PTPDC1: variants seen among roughly 807,000 people sequenced by gnomAD.
PTPDC1 encodes the protein protein tyrosine phosphatase domain-containing protein 1.
PTPDC1 carries 53 observed loss-of-function variants against 75.3 expected under a neutral mutation model. The observed-to-expected ratio is 0.70, with a 90% CI of 0.56 to 0.88. PTPDC1 has a LOEUF of 0.88. Ranked by LOEUF, PTPDC1 falls within the 40% of genes least tolerant of loss-of-function variation. PTPDC1 has a pLI of 0.00. For missense variants in PTPDC1, 925 were observed against 998.6 expected, an observed-to-expected ratio of 0.93 and a Z score of 0.99; for synonymous variants, 349 against 366.2, an observed-to-expected ratio of 0.95 and a Z score of 0.54.
At chr9:94,074,668 C>G (rs992065680) in intron 2 of PTPDC1, among the ~76,000 whole-genome samples, 3 of 152,166 alleles carry the variant, frequency 2.0e-5, no homozygotes, top group Admixed American at 6.5e-5. Flanking sequence ...GTTGACTATC[C>G]TGCTTCACAC....
intron 2 of PTPDC1, among the ~76,000 whole-genome samples, chr9:94,067,411 T>C (rs1383195356): frequency 6.6e-6 from 1 of 151,580 alleles, no homozygotes; most frequent in Non-Finnish European, 1.5e-5. Context: ...ATAATAATAA[T>C]AATAATAAAC....
At chr9:94,102,637 T>A (rs976509364) in intron 7 of PTPDC1, among the ~76,000 whole-genome samples, 19 of 152,192 alleles carry the variant, frequency 1.2e-4, no homozygotes, top group African/African-American at 4.3e-4. Flanking sequence ...TGGAGTGCAA[T>A]GGCGCGATCT....
chr9:94,081,268 G>C (rs1397203355), upstream of PTPDC1, among the ~76,000 whole-genome samples: 1 of 152,126 alleles, frequency 6.6e-6, no homozygotes, highest in Non-Finnish European at 1.5e-5. Context: ...GGGATTACAG[G>C]CATGAGCCAC....
chr9:94,052,652 T>TATG (rs1825823901), intron 1 of PTPDC1, among the ~76,000 whole-genome samples: 1 of 152,220 alleles, frequency 6.6e-6, no homozygotes, highest in African/African-American at 2.4e-5. Flanking sequence ...CAATTGGATG[T>TATG]ATGATCAATT....
rs200116153 is a variant in PTPDC1 at position 94,067,395 on chromosome 9, A to ATG, written c.82+2574_82+2575insTG. Among the ~76,000 whole-genome samples, 542 of 143,718 alleles carry ATG rather than the reference A, an allele frequency of 3.8e-3. 4 individuals carry two copies. The highest frequency in any genetic ancestry group is 0.015 in the African/African-American group (519 of 34,326). The allele number at this position is 143,718 out of a possible 152,430, so 94.3% of individuals were successfully genotyped here. ...ACAGAGTGAGACTCCATCTCAAAAA[A>ATG]AAAAAATAATAATAATAATAATAAA... On this transcript the variant is annotated intron_variant, in intron 2 of 9. Transcript: ENST00000375360.
rs569306545 is a variant in PTPDC1, at chr9:94,045,962, G to A, written c.-7+14835G>A. Reference sequence around the variant, plus strand: ...GGTATTGCCTAGGTTTTCTTCTAGAGTTTTTATGGTTTTAGGTCTAACATT... The same window carrying A: ...GGTATTGCCTAGGTTTTCTTCTAGAATTTTTATGGTTTTAGGTCTAACATT... On this transcript the variant is annotated intron_variant, in intron 1 of 9. Coordinates refer to the PTPDC1 transcript ENST00000375360. Among the ~76,000 whole-genome samples the A allele has an allele frequency of 3.9e-5, 6 of 152,284 alleles. No individual in the cohort carries two copies. In the East Asian group the frequency reaches 1.2e-3, roughly 29 times the overall value.
intron 1 of PTPDC1, among the ~76,000 whole-genome samples, chr9:94,032,721 C>G (rs1829750610): frequency 6.6e-6 from 1 of 152,176 alleles, no homozygotes; most frequent in South Asian, 2.1e-4. Context: ...GGGTCTCACT[C>G]TGTCGCCCAG....
intron 4 of PTPDC1, among the ~76,000 whole-genome samples, chr9:94,093,181 A>C (rs367696546): frequency 1.3e-5 from 2 of 152,038 alleles, no homozygotes; most frequent in Non-Finnish European, 1.5e-5. Flanking sequence ...TCCTAGTCTC[A>C]ATGGTCTTTA....
chr9:94,047,491 C>A (rs1825644710), intron 1 of PTPDC1, among the ~76,000 whole-genome samples: 1 of 152,120 alleles, frequency 6.6e-6, no homozygotes, highest in South Asian at 2.1e-4. Flanking sequence ...GACACCCTAA[C>A]ATCACAATTA....
intron 1 of PTPDC1, among the ~76,000 whole-genome samples, chr9:94,036,377 A>G (rs7855830): frequency 0.33 from 50,187 of 151,924 alleles, 8,482 homozygotes; most frequent in Admixed American, 0.4. Context: ...GGTGTAAGAT[A>G]GGAGTCCTGT....
chr9:94,106,063 T>A (rs1010622931), intron 8 of PTPDC1, among the ~76,000 whole-genome samples: 1 of 152,286 alleles, frequency 6.6e-6, no homozygotes, highest in Middle Eastern at 3.4e-3. Context: ...TAGATAAAAT[T>A]AAATTCCTGA....
chr9:94,070,604 G>A (rs1210033570), intron 2 of PTPDC1, among the ~76,000 whole-genome samples: 2 of 151,980 alleles, frequency 1.3e-5, no homozygotes, highest in African/African-American at 4.8e-5. Flanking sequence ...ACATTGTTTT[G>A]GTCAAAATAC....
chr9:94,104,365 G>A lies in PTPDC1; in HGVS notation c.2290G>A (p.Ala764Thr), dbSNP rs1827946128. The change falls in exon 8 of 9, where the codon GCC (alanine) becomes ACC (threonine). Residue 764 changes from alanine to threonine, a missense_variant. Coordinates refer to ENST00000620992, the MANE Select transcript of PTPDC1 (RefSeq NM_001253829.2). The part of the protein sequence containing the change: ...VDVEEAFLAH[A>T]IKAFTKVNFD... ...TGTGGAGGAAGCTTTCCTTGCCCAT[G>A]CCATTAAGGCATTCACTAAGGTGGG... 3.1e-6 allele frequency: 5 copies of A among 1,613,096 alleles called. No individual in the cohort carries two copies. In the East Asian group the frequency reaches 8.9e-5, roughly 29 times the overall value.
chr9:94,077,576 T>C (rs772188992), intron 2 of PTPDC1, among the ~76,000 whole-genome samples: 6 of 152,186 alleles, frequency 3.9e-5, no homozygotes, highest in Non-Finnish European at 7.3e-5. Context: ...GATGAAGAGA[T>C]GCATAAGGGT....
At chr9:94,097,277 A>T (rs542877990) in intron 5 of PTPDC1, 44 bp from the exon 6 acceptor site, 5 of 1,239,862 alleles carry the variant, frequency 4.0e-6, no homozygotes, top group Non-Finnish European at 4.5e-6. Flanking sequence ...ATAAATAAAA[A>T]TGTAAGCTTT....
At chr9:94,083,030 C>T (rs1487482003), upstream of PTPDC1, among the ~76,000 whole-genome samples, 1 of 152,208 alleles carries the variant, frequency 6.6e-6, no homozygotes, top group East Asian at 1.9e-4. Flanking sequence ...ACTCTTGTTT[C>T]TCAAGAGCTA....
At chr9:94,101,832 A>G (rs1214462313) in intron 7 of PTPDC1, 81 bp downstream of exon 7, 2 of 823,882 alleles carry the variant, frequency 2.4e-6, no homozygotes, top group East Asian at 5.5e-5. Context: ...CCATTATAAA[A>G]AAAGAGAATT....
At chr9:94,093,182 A>G (rs1005342825) in intron 4 of PTPDC1, among the ~76,000 whole-genome samples, 33 of 152,158 alleles carry the variant, frequency 2.2e-4, no homozygotes, top group Non-Finnish European at 4.7e-4. Flanking sequence ...CCTAGTCTCA[A>G]TGGTCTTTAC....
chr9:94,102,335 T>C (rs549801321), intron 7 of PTPDC1, among the ~76,000 whole-genome samples: 10 of 151,252 alleles, frequency 6.6e-5, no homozygotes, highest in Non-Finnish European at 1.5e-4. Context: ...AATATAGATG[T>C]TTTCTATATT....
Sources: allele counts gnomAD v4.1 joint callset (sites outside exome capture counted in the v4.1 genomes callset), GRCh38; gene constraint gnomAD v4.1.1; transcripts MANE v1.5; gene names NCBI Gene and HGNC (gene_info 2026-07-23, HGNC 2026-07-21).